PCDH7: variants seen among roughly 807,000 people sequenced by gnomAD.
PCDH7 encodes the protein protocadherin-7.
In PCDH7, 17 loss-of-function variants were observed where a neutral mutation model predicts 58.9. That is an observed-to-expected ratio of 0.29 (90% CI 0.20 to 0.43). The LOEUF is 0.43. PCDH7 is among the 20% of genes least tolerant of loss of function. The probability of loss-of-function intolerance (pLI) is 1.00; values close to 1 mark genes in which losing one functional copy is unlikely to be tolerated. For synonymous variants in PCDH7, 664 were observed against 616.4 expected, an observed-to-expected ratio of 1.08 and a Z score of -1.14; for missense variants, 1,274 against 1,441.0, an observed-to-expected ratio of 0.88 and a Z score of 1.88.
At chr4:30,816,036 C>T (rs1293873923) in intron 1 of PCDH7, among the ~76,000 whole-genome samples, 1 of 152,150 alleles carries the variant, frequency 6.6e-6, no homozygotes, top group Non-Finnish European at 1.5e-5. Flanking sequence ...CTCTAAATTA[C>T]AAAGGATCAC....
At chr4:30,861,246 G>A (rs1342569417) in intron 1 of PCDH7, among the ~76,000 whole-genome samples, 1 of 152,088 alleles carries the variant, frequency 6.6e-6, no homozygotes, top group East Asian at 1.9e-4. Flanking sequence ...TGTTTTTCCG[G>A]TAGAGGTAAT....
At chr4:31,024,445 T>A (rs1754268920) in intron 3 of PCDH7, among the ~76,000 whole-genome samples, 1 of 152,178 alleles carries the variant, frequency 6.6e-6, no homozygotes, top group African/African-American at 2.4e-5. Context: ...TTATAATTAT[T>A]CTTGTCATTT....
intron 3 of PCDH7, among the ~76,000 whole-genome samples, chr4:31,128,334 C>T (rs1718568079): frequency 1.3e-5 from 2 of 152,034 alleles, no homozygotes; most frequent in African/African-American, 4.8e-5. Context: ...TAAATGTATT[C>T]ATCAGGTTAC....
intron 3 of PCDH7, among the ~76,000 whole-genome samples, chr4:31,033,806 T>G (rs1302322509): frequency 6.6e-6 from 1 of 152,124 alleles, no homozygotes; most frequent in Non-Finnish European, 1.5e-5. Flanking sequence ...TATTAGAAAC[T>G]ATCTAGGCTG....
At chr4:31,063,816 G>T (rs978090742) in intron 3 of PCDH7, among the ~76,000 whole-genome samples, 1 of 151,872 alleles carries the variant, frequency 6.6e-6, no homozygotes, top group Admixed American at 6.6e-5. Context: ...GTTATCTCTT[G>T]TATGTATTAC....
chr4:30,932,141 T>G (rs1744681233), intron 2 of PCDH7, among the ~76,000 whole-genome samples: 1 of 152,204 alleles, frequency 6.6e-6, no homozygotes, highest in African/African-American at 2.4e-5. Context: ...TTGTCAGTAA[T>G]ACTATGTAAG....
chr4:30,926,621 T>G (rs4266255), intron 2 of PCDH7, among the ~76,000 whole-genome samples: 115,366 of 152,110 alleles, frequency 0.76, 44,260 homozygotes, highest in African/African-American at 0.89. Flanking sequence ...TTAGTTTTTT[T>G]TCTTTTGTTT....
chr4:30,871,830 C>G (rs1219396139), intron 1 of PCDH7, among the ~76,000 whole-genome samples: 1 of 152,028 alleles, frequency 6.6e-6, no homozygotes, highest in African/African-American at 2.4e-5. Context: ...CTTCGTCACC[C>G]CATCCTTGCT....
At chr4:30,936,612 G>GT (rs1355932331) in intron 2 of PCDH7, among the ~76,000 whole-genome samples, 1 of 150,556 alleles carries the variant, frequency 6.6e-6, no homozygotes, top group Non-Finnish European at 1.5e-5. Flanking sequence ...TTCTATCTGT[G>GT]TATTATAAAC....
chr4:30,771,075 C>T (rs769752079), intron 1 of PCDH7, among the ~76,000 whole-genome samples: 42 of 152,204 alleles, frequency 2.8e-4, no homozygotes, highest in Non-Finnish European at 5.4e-4. Flanking sequence ...CTAACATTTC[C>T]TTGATAAAAT....
chr4:31,040,713 A>G (rs1424460358), intron 3 of PCDH7, among the ~76,000 whole-genome samples: 1 of 152,160 alleles, frequency 6.6e-6, no homozygotes, highest in Non-Finnish European at 1.5e-5. Flanking sequence ...TTCAAAATTC[A>G]GTGATGTCCT....
intron 1 of PCDH7, among the ~76,000 whole-genome samples, chr4:30,782,145 G>A (rs1722889044): frequency 6.6e-6 from 1 of 152,036 alleles, no homozygotes; most frequent in Admixed American, 6.6e-5. Context: ...GATATATATG[G>A]AAGTTTCTAG....
chr4:30,884,744 T>A (rs558385903), intron 1 of PCDH7: 1 of 152,140 alleles, frequency 6.6e-6, no homozygotes. Context: ...TAAGATTGCA[T>A]ATGCAAACAA....
chr4:30,872,724 C>T (rs774966914), intron 1 of PCDH7, among the ~76,000 whole-genome samples: 13 of 152,082 alleles, frequency 8.5e-5, no homozygotes, highest in Non-Finnish European at 1.5e-4. Flanking sequence ...TTTTACATAG[C>T]ACTTCCTTTG....
At chr4:30,781,020 A>G (rs554222134) in intron 1 of PCDH7, among the ~76,000 whole-genome samples, 1 of 152,298 alleles carries the variant, frequency 6.6e-6, no homozygotes, top group Admixed American at 6.5e-5. Context: ...AAATAGTTTT[A>G]CCATTTCAAA....
chr4:31,055,544 G>A (rs942241985), intron 3 of PCDH7, among the ~76,000 whole-genome samples: 7 of 152,026 alleles, frequency 4.6e-5, no homozygotes, highest in African/African-American at 1.7e-4. Flanking sequence ...TCCTAGAGTT[G>A]AGCCTTATAA....
chr4:30,819,444 A>G (rs1484430653), intron 1 of PCDH7, among the ~76,000 whole-genome samples: 2 of 152,084 alleles, frequency 1.3e-5, no homozygotes, highest in Non-Finnish European at 2.9e-5. Context: ...GTTTGGGTGG[A>G]TTGTGTGATT....
chr4:30,798,436 G>A (rs768207194), intron 1 of PCDH7, among the ~76,000 whole-genome samples: 1 of 152,068 alleles, frequency 6.6e-6, no homozygotes, highest in Non-Finnish European at 1.5e-5. Flanking sequence ...AGAAACAATC[G>A]CATTTGGTCA....
intron 1 of PCDH7, among the ~76,000 whole-genome samples, chr4:30,806,372 T>C (rs2109309996): frequency 6.6e-6 from 1 of 152,176 alleles, no homozygotes; most frequent in South Asian, 2.1e-4. Context: ...TTGCACAATC[T>C]TGGCTCACTG....
Sources: allele counts gnomAD v4.1 joint callset (sites outside exome capture counted in the v4.1 genomes callset), GRCh38; gene constraint gnomAD v4.1.1; transcripts MANE v1.5; gene names NCBI Gene and HGNC (gene_info 2026-07-23, HGNC 2026-07-21).